ACBD6: variants seen among roughly 807,000 people sequenced by gnomAD.
The protein encoded by ACBD6 is acyl-CoA-binding domain-containing protein 6.
A neutral mutation model predicts 37.2 loss-of-function variants in ACBD6; 28 were observed. The ratio of observed to expected loss-of-function variants is 0.75; its 90% CI spans 0.56 to 1.03. The LOEUF is 1.03. Among genes scored for constraint, ACBD6 ranks in the 50% least tolerant of loss-of-function variants. The pLI is 0.00. For missense variants in ACBD6, 340 were observed against 337.4 expected (o/e 1.01, Z -0.06); for synonymous variants, 113 against 126.8 (o/e 0.89, Z 0.73).
chr1:180,436,818 A>G (rs1649056333), intron 3 of ACBD6, among the ~76,000 whole-genome samples: 1 of 152,216 alleles, frequency 6.6e-6, no homozygotes, highest in Non-Finnish European at 1.5e-5. Context: ...CAAAAACAAA[A>G]ACAAAACTAC....
chr1:180,304,369 G>A (rs1470971942), intron 7 of ACBD6, among the ~76,000 whole-genome samples: 3 of 150,820 alleles, frequency 2.0e-5, no homozygotes, highest in Non-Finnish European at 3.0e-5. Flanking sequence ...CATTGTCTCA[G>A]CCCAAAATCT....
At chr1:180,377,597 T>G (rs971328281) in intron 6 of ACBD6, among the ~76,000 whole-genome samples, 1 of 152,162 alleles carries the variant, frequency 6.6e-6, no homozygotes, top group Non-Finnish European at 1.5e-5. Context: ...AAATCACCAT[T>G]AGGCAAATAC....
At chr1:180,391,605 C>T (rs990083722) in intron 6 of ACBD6, among the ~76,000 whole-genome samples, 7 of 152,106 alleles carry the variant, frequency 4.6e-5, no homozygotes. Flanking sequence ...CAGTGAGATG[C>T]TACTTCCCAT....
At chr1:180,395,855 A>G (rs1009441024) in intron 6 of ACBD6, among the ~76,000 whole-genome samples, 21 of 152,326 alleles carry the variant, frequency 1.4e-4, no homozygotes, top group Middle Eastern at 3.4e-3. Flanking sequence ...TTGTACACCC[A>G]TGTTCACAGC....
chr1:180,454,661 A>G (rs993378462), intron 3 of ACBD6, among the ~76,000 whole-genome samples: 16 of 152,182 alleles, frequency 1.1e-4, no homozygotes, highest in Non-Finnish European at 2.1e-4. Context: ...TCTACAAGGA[A>G]CTTAAACAAA....
chr1:180,466,858 A>C (rs984489551), intron 3 of ACBD6, among the ~76,000 whole-genome samples: 2 of 152,162 alleles, frequency 1.3e-5, no homozygotes, highest in African/African-American at 4.8e-5. Flanking sequence ...TGTGACCAGT[A>C]AATAAGATAA....
chr1:180,346,707 T>C (rs1400525654), intron 6 of ACBD6, among the ~76,000 whole-genome samples: 1 of 152,200 alleles, frequency 6.6e-6, no homozygotes, highest in Non-Finnish European at 1.5e-5. Flanking sequence ...GTGTGTTAAG[T>C]TGCTAAATTT....
chr1:180,456,211 C>CAAAA (rs753205587), intron 3 of ACBD6, among the ~76,000 whole-genome samples: 1 of 106,772 alleles, frequency 9.4e-6, no homozygotes, highest in Non-Finnish European at 2.1e-5. Context: ...GACACCATTT[C>CAAAA]AAAAAAAAAA....
At chr1:180,296,942 C>T (rs112449051) in intron 7 of ACBD6, among the ~76,000 whole-genome samples, 12,700 of 151,866 alleles carry the variant, frequency 0.084, 580 homozygotes, top group Middle Eastern at 0.17. Context: ...CTGGCTAACA[C>T]GGTGAAACCC....
chr1:180,479,548 T>C (rs1650941631), intron 3 of ACBD6, among the ~76,000 whole-genome samples: 1 of 151,882 alleles, frequency 6.6e-6, no homozygotes, highest in African/African-American at 2.4e-5. Context: ...GGTATAAACA[T>C]ACAGTAAGAA....
intron 6 of ACBD6, among the ~76,000 whole-genome samples, chr1:180,346,627 A>G (rs1010213714): frequency 1.3e-5 from 2 of 152,214 alleles, no homozygotes; most frequent in Non-Finnish European, 2.9e-5. Flanking sequence ...AGACTTATGA[A>G]GCCTTGAGCA....
exon 10 of ACBD6, chr1:180,274,867 G>A: frequency 3.1e-6 from 1 of 326,194 alleles, no homozygotes; most frequent in Non-Finnish European, 5.6e-6. Flanking sequence ...TCTGCTTAGG[G>A]GCTTGGCTGC....
At chr1:180,271,980 T>G (rs754828184) in intron 13 of ACBD6, 1 of 1,611,818 alleles carries the variant, frequency 6.2e-7, no homozygotes, top group Non-Finnish European at 8.5e-7. Context: ...GACTGTGGGG[T>G]TAGTGACAGT....
chr1:180,500,508 C>T (rs1028535228), intron 1 of ACBD6, among the ~76,000 whole-genome samples: 2 of 151,004 alleles, frequency 1.3e-5, no homozygotes, highest in African/African-American at 2.4e-5. Context: ...GCCTGGCGAA[C>T]ATGATGAAAC....
chr1:180,468,543 A>G (rs190764301), intron 3 of ACBD6, among the ~76,000 whole-genome samples: 2 of 152,342 alleles, frequency 1.3e-5, no homozygotes, highest in Non-Finnish European at 2.9e-5. Context: ...GAAGTAGTAT[A>G]TACTGTTTTA....
chr1:180,476,040 A>G (rs541901212), intron 3 of ACBD6, among the ~76,000 whole-genome samples: 1 of 152,336 alleles, frequency 6.6e-6, no homozygotes, highest in South Asian at 2.1e-4. Flanking sequence ...ACTCAGGTAT[A>G]TATTATGGCT....
intron 6 of ACBD6, among the ~76,000 whole-genome samples, chr1:180,388,519 A>G (rs59566983): frequency 0.043 from 6,613 of 152,308 alleles, 455 homozygotes; most frequent in African/African-American, 0.14. Context: ...TATAAAAATT[A>G]TAAGGAATCC....
At chr1:180,381,480 T>G (rs1358147678) in intron 6 of ACBD6, among the ~76,000 whole-genome samples, 1 of 152,062 alleles carries the variant, frequency 6.6e-6, no homozygotes, top group South Asian at 2.1e-4. Context: ...AAAACAAGTC[T>G]CAACAAATTT....
chr1:180,452,240 C>A (rs955985304), intron 3 of ACBD6, among the ~76,000 whole-genome samples: 1 of 151,922 alleles, frequency 6.6e-6, no homozygotes, highest in Non-Finnish European at 1.5e-5. Context: ...GGGAGGCTGA[C>A]GTGGGCAGAT....
Sources: allele counts gnomAD v4.1 joint callset (sites outside exome capture counted in the v4.1 genomes callset), GRCh38; gene constraint gnomAD v4.1.1; transcripts MANE v1.5; gene names NCBI Gene and HGNC (gene_info 2026-07-23, HGNC 2026-07-21).